CASP6: variants seen among roughly 807,000 people sequenced by gnomAD.
The protein encoded by CASP6 is caspase 6, also known as caspase-6.
In CASP6, 20 loss-of-function variants were observed where a neutral mutation model predicts 31.8. The ratio of observed to expected loss-of-function variants is 0.63; its 90% CI spans 0.44 to 0.91. The LOEUF is 0.91. Among genes scored for constraint, CASP6 ranks in the 40% least tolerant of loss-of-function variants. The pLI is 0.00. For synonymous variants in CASP6, 130 were observed against 127.8 expected (o/e 1.02, Z -0.12); for missense variants, 328 against 361.1 (o/e 0.91, Z 0.74).
At chr4:109,686,475 C>T (rs1178786521), downstream of CASP6, among the ~76,000 whole-genome samples, 1 of 152,136 alleles carries the variant, frequency 6.6e-6, no homozygotes, top group African/African-American at 2.4e-5. Flanking sequence ...TTCATATAGT[C>T]ATTCTATAGG....
the CASP6 span, among the ~76,000 whole-genome samples, chr4:109,677,458 T>G: frequency 4.6e-5 from 7 of 152,154 alleles, no homozygotes; most frequent in Non-Finnish European, 1.0e-4. Context: ...GGACATGAAT[T>G]TGAGGGGCCG....
At chr4:109,685,781 C>T (rs1729825443), downstream of CASP6, among the ~76,000 whole-genome samples, 1 of 152,196 alleles carries the variant, frequency 6.6e-6, no homozygotes, top group Non-Finnish European at 1.5e-5. Context: ...CTGAAAGGCA[C>T]TTACTCAGGT....
chr4:109,705,945 C>T (rs114020159), upstream of CASP6, among the ~76,000 whole-genome samples: 780 of 113,878 alleles, frequency 6.8e-3, 8 homozygotes, highest in African/African-American at 0.025. Flanking sequence ...CACTGCACTC[C>T]AGTCTGGGTG....
downstream of CASP6, chr4:109,684,390 C>A: frequency 7.0e-7 from 1 of 1,418,570 alleles, no homozygotes; most frequent in Non-Finnish European, 9.6e-7. Flanking sequence ...GCTTTTTGTC[C>A]CTTTAGTTGG....
At chr4:109,685,399 G>A (rs778467992), downstream of CASP6, 7 of 933,496 alleles carry the variant, frequency 7.5e-6, no homozygotes, top group Admixed American at 1.1e-4. Context: ...TAGCTGGTTT[G>A]TTTGGGAGCC....
Position 109,689,495 on chromosome 4 carries a change from A to G in CASP6, c.717T>C (p.Tyr239=). ...IQDLCEMLGK[Y]GSSLEFTELL... ...GTTCTGTGAACTCTAAGGAGGAGCC[A>G]TATTTTCCCAACATCTCACACAAAT... The change falls in exon 7 of 7, where the codon TAT becomes TAC. Residue 239 remains tyrosine, a synonymous_variant. Transcript: ENST00000265164. 1 of 1,614,206 alleles carries G rather than the reference A, an allele frequency of 6.2e-7. No homozygotes were observed. The highest frequency in any genetic ancestry group is 8.5e-7 in the Non-Finnish European group (1 of 1,180,040).
At chr4:109,664,460 TG>T in the CASP6 span, 1 of 663,046 alleles carries the variant, frequency 1.5e-6, no homozygotes. Context: ...TCACTTGCTC[TG>T]TTTCCCAGGC....
the CASP6 span, among the ~76,000 whole-genome samples, chr4:109,679,194 T>G: frequency 6.6e-6 from 1 of 150,866 alleles, no homozygotes; most frequent in Non-Finnish European, 1.5e-5. Flanking sequence ...ACTCCTCACA[T>G]CCCAGACGAT....
the CASP6 span, among the ~76,000 whole-genome samples, chr4:109,676,045 TGA>T: frequency 2.0e-5 from 3 of 152,100 alleles, no homozygotes; most frequent in African/African-American, 7.2e-5. Flanking sequence ...AAGAAACATC[TGA>T]AAAGGTGGAA....
chr4:109,695,822 C>T (rs1730222040), intron 4 of CASP6, among the ~76,000 whole-genome samples: 1 of 151,788 alleles, frequency 6.6e-6, no homozygotes, highest in African/African-American at 2.4e-5. Flanking sequence ...AGACTGATGT[C>T]CTCCAAAGCT....
intron 1 of CASP6, among the ~76,000 whole-genome samples, chr4:109,700,174 G>A (rs554272245): frequency 6.6e-6 from 1 of 152,160 alleles, no homozygotes; most frequent in South Asian, 2.1e-4. Context: ...ATGTATTCTT[G>A]CTTGGGTCTT....
At chr4:109,665,164 T>C in the CASP6 span, among the ~76,000 whole-genome samples, 1 of 152,234 alleles carries the variant, frequency 6.6e-6, no homozygotes, top group Non-Finnish European at 1.5e-5. Context: ...TTGTATATTC[T>C]ATAGATTGTG....
upstream of CASP6, among the ~76,000 whole-genome samples, chr4:109,706,164 T>C (rs199773090): frequency 3.7e-3 from 332 of 90,636 alleles, 14 homozygotes; most frequent in East Asian, 0.03. Context: ...TATATATATA[T>C]ATATATACAC....
chr4:109,693,890 C>T (rs1432843873), intron 5 of CASP6, among the ~76,000 whole-genome samples: 3 of 151,956 alleles, frequency 2.0e-5, no homozygotes, highest in African/African-American at 7.2e-5. Context: ...AGGCACCTGC[C>T]ACCATGCCCA....
At chr4:109,703,512 G>A (rs1053006447), upstream of CASP6, 7 of 1,360,748 alleles carry the variant, frequency 5.1e-6, 1 homozygote, top group South Asian at 5.5e-5. Flanking sequence ...CCCGAGCGTG[G>A]GGCCAGTTGG....
At chr4:109,685,424 G>C, downstream of CASP6, 1 of 740,492 alleles carries the variant, frequency 1.4e-6, no homozygotes, top group Admixed American at 1.9e-5. Context: ...CTTAGTATCA[G>C]GGAAGTATAA....
the CASP6 span, among the ~76,000 whole-genome samples, chr4:109,672,246 A>G: frequency 1.1e-4 from 16 of 152,264 alleles, no homozygotes; most frequent in Non-Finnish European, 2.2e-4. Context: ...GTTTCCTATT[A>G]TGGAGGACAT....
upstream of CASP6, chr4:109,703,518 G>C (rs1488606890): frequency 4.6e-6 from 6 of 1,298,932 alleles, no homozygotes; most frequent in African/African-American, 9.0e-5. Context: ...CGTGGGGCCA[G>C]TTGGTTCTGA....
intron 5 of CASP6, 145 bp from the exon 6 acceptor site, chr4:109,691,154 T>G: frequency 1.2e-6 from 1 of 809,680 alleles, no homozygotes; most frequent in Non-Finnish European, 1.8e-6. Context: ...CATTCAGGTT[T>G]GGAGGGCACA....
Sources: gnomAD v4.1 joint callset for allele counts (sites outside exome capture counted in the v4.1 genomes callset) on GRCh38, gnomAD v4.1.1 for gene constraint, MANE v1.5 for transcripts, NCBI Gene and HGNC (gene_info 2026-07-23, HGNC 2026-07-21) for gene names.